The following EPB41L4B variants were observed in gnomAD, a reference collection of about 807,000 sequenced individuals.
EPB41L4B encodes band 4.1-like protein 4B.
Under a neutral mutation model 112.5 loss-of-function variants are expected in EPB41L4B, and 30 were observed. The ratio of observed to expected loss-of-function variants is 0.27; its 90% confidence interval spans 0.20 to 0.36. The LOEUF is 0.36. Among genes scored for constraint, EPB41L4B ranks in the 10% least tolerant of loss-of-function variants. The pLI is 1.00. For synonymous variants in EPB41L4B, 408 were observed against 439.7 expected, an observed-to-expected ratio of 0.93 and a Z score of 0.90; for missense variants, 1,024 against 1,133.3, an observed-to-expected ratio of 0.90 and a Z score of 1.38.
chr9:109,251,675 T>A (rs983539394), intron 12 of EPB41L4B, among the ~76,000 whole-genome samples, 164 bp from the exon 13 acceptor site: 1 of 151,458 alleles, frequency 6.6e-6, no homozygotes, highest in Non-Finnish European at 1.5e-5. Flanking sequence ...TCAGGGAGAG[T>A]AAACTACCCC....
At chr9:109,249,420 A>G (rs1834695693) in intron 13 of EPB41L4B, among the ~76,000 whole-genome samples, 1 of 139,790 alleles carries the variant, frequency 7.2e-6, no homozygotes, top group Non-Finnish European at 1.5e-5. Flanking sequence ...CAGGCTGTGA[A>G]GAGCAATTGA....
intron 15 of EPB41L4B, among the ~76,000 whole-genome samples, chr9:109,226,151 C>A (rs1435286693): frequency 6.6e-6 from 1 of 152,194 alleles, no homozygotes; most frequent in Non-Finnish European, 1.5e-5. Flanking sequence ...GCAACTTACA[C>A]TGTTTACAGG....
chr9:109,293,539 C>T lies in EPB41L4B; in HGVS notation c.307-13618G>A, dbSNP rs560524644. On this transcript the variant is annotated intron_variant, in intron 1 of 25. Transcript: ENST00000374566. ...CTGGTATTACAGGCACCCGCCACCA[C>T]GCTCGGCTAATTTTTTGTATTTTTA... Among the ~76,000 whole-genome samples, 14 of 151,902 alleles carry T rather than the reference C, an allele frequency of 9.2e-5. No homozygotes were observed. In the South Asian group the frequency reaches 2.7e-3, roughly 29 times the overall value.
At chr9:109,273,564 T>G (rs1261991366) in intron 2 of EPB41L4B, among the ~76,000 whole-genome samples, 1 of 152,070 alleles carries the variant, frequency 6.6e-6, no homozygotes, top group East Asian at 1.9e-4. Context: ...ATTTCTTGAG[T>G]GCAGTTTACA....
chr9:109,243,836 C>T (rs1460791917), intron 14 of EPB41L4B, among the ~76,000 whole-genome samples, 154 bp from the exon 15 acceptor site: 3 of 152,198 alleles, frequency 2.0e-5, no homozygotes, highest in Admixed American at 6.5e-5. Context: ...TTTCCCAGGA[C>T]GATCACGTTT....
At chr9:109,231,172 AAAG>A (rs1833942012) in intron 15 of EPB41L4B, among the ~76,000 whole-genome samples, 1 of 152,000 alleles carries the variant, frequency 6.6e-6, no homozygotes, top group Admixed American at 6.6e-5. Context: ...AAAAAAAAAA[AAAG>A]GTCAAAACTG....
intron 1 of EPB41L4B, among the ~76,000 whole-genome samples, chr9:109,307,581 G>A (rs1324406921): frequency 1.3e-5 from 2 of 152,188 alleles, no homozygotes; most frequent in Non-Finnish European, 2.9e-5. Flanking sequence ...GTAACCGACT[G>A]AGCAGAGGTG....
chr9:109,251,542 C>T, intron 12 of EPB41L4B, 31 bp from the exon 13 acceptor site: 2 of 1,604,404 alleles, frequency 1.2e-6, no homozygotes, highest in Non-Finnish European at 1.7e-6. Context: ...GTTATGACAT[C>T]TTAGAGAACT....
At chr9:109,197,532 T>C (rs1477034781) in intron 20 of EPB41L4B, among the ~76,000 whole-genome samples, 1 of 152,170 alleles carries the variant, frequency 6.6e-6, no homozygotes, top group East Asian at 1.9e-4. Flanking sequence ...ATCTCATCCA[T>C]GGATGTTGCT....
At chr9:109,296,993 G>A (rs751960146) in intron 1 of EPB41L4B, among the ~76,000 whole-genome samples, 30 of 152,054 alleles carry the variant, frequency 2.0e-4, no homozygotes, top group Non-Finnish European at 4.0e-4. Context: ...CCTAACCCCG[G>A]TACCTTGGAA....
At chr9:109,183,784 G>A (rs1186280837) in intron 23 of EPB41L4B, among the ~76,000 whole-genome samples, 2 of 152,230 alleles carry the variant, frequency 1.3e-5, no homozygotes, top group Non-Finnish European at 2.9e-5. Flanking sequence ...GGCTTTGTGT[G>A]TCTCGAGGTC....
chr9:109,250,339 G>A (rs963698079), intron 13 of EPB41L4B, among the ~76,000 whole-genome samples: 3 of 152,098 alleles, frequency 2.0e-5, no homozygotes, highest in African/African-American at 7.2e-5. Context: ...TCTGCAACCC[G>A]CTCCACCCCG....
At chr9:109,259,345 C>T (rs1014828087) in intron 6 of EPB41L4B, among the ~76,000 whole-genome samples, 3 of 152,194 alleles carry the variant, frequency 2.0e-5, no homozygotes, top group African/African-American at 7.2e-5. Flanking sequence ...GGGCCCCGCC[C>T]CCAGAGTTTT....
intron 1 of EPB41L4B, among the ~76,000 whole-genome samples, chr9:109,313,091 A>G (rs1837478437): frequency 6.6e-6 from 1 of 152,006 alleles, no homozygotes; most frequent in African/African-American, 2.4e-5. Context: ...AAAAAGAAAA[A>G]AAAACCTTCT....
At chr9:109,182,446 T>G (rs1004564592) in intron 24 of EPB41L4B, among the ~76,000 whole-genome samples, 2 of 152,104 alleles carry the variant, frequency 1.3e-5, no homozygotes, top group Admixed American at 6.6e-5. Flanking sequence ...GGTGTGAGGT[T>G]TTTGGAGGAC....
intron 6 of EPB41L4B, among the ~76,000 whole-genome samples, chr9:109,260,707 G>A (rs910328742): frequency 5.3e-5 from 8 of 152,138 alleles, no homozygotes; most frequent in African/African-American, 1.7e-4. Context: ...GAGCCATCGC[G>A]CCCGGCCAAC....
chr9:109,298,319 T>TC (rs1588223146), intron 1 of EPB41L4B, among the ~76,000 whole-genome samples: 1 of 151,238 alleles, frequency 6.6e-6, no homozygotes, highest in East Asian at 1.9e-4. Flanking sequence ...TATGCTTTTT[T>TC]TTTTTTTTCC....
intron 1 of EPB41L4B, among the ~76,000 whole-genome samples, chr9:109,314,469 T>G (rs1315444519): frequency 6.6e-6 from 1 of 151,954 alleles, no homozygotes; most frequent in Non-Finnish European, 1.5e-5. Flanking sequence ...CAGTGTAGGG[T>G]CATGTTACCG....
intron 1 of EPB41L4B, among the ~76,000 whole-genome samples, chr9:109,306,830 T>C (rs936454076): frequency 1.3e-5 from 2 of 152,124 alleles, no homozygotes; most frequent in African/African-American, 4.8e-5. Flanking sequence ...AAGCAATGCT[T>C]TGAAGGCTGG....
Sources: gnomAD v4.1 joint callset for allele counts (sites outside exome capture counted in the v4.1 genomes callset) on GRCh38, gnomAD v4.1.1 for gene constraint, MANE v1.5 for transcripts, NCBI Gene and HGNC (gene_info 2026-07-23, HGNC 2026-07-21) for gene names.